OSBPL2: variants seen among roughly 807,000 people sequenced by gnomAD.
OSBPL2 encodes the protein oxysterol-binding protein-related protein 2.
Under a neutral mutation model 58.4 loss-of-function variants are expected in OSBPL2, and 18 were observed. The observed-to-expected ratio is 0.31, with a 90% CI of 0.21 to 0.46. The LOEUF (loss-of-function observed/expected upper bound fraction) is 0.46, where lower values mean the gene tolerates loss of function less well. Ranked by LOEUF, OSBPL2 falls within the 20% of genes least tolerant of loss-of-function variation. The pLI, the probability that OSBPL2 is intolerant of heterozygous loss-of-function variation, is 1.00. For missense variants in OSBPL2, 461 were observed against 616.5 expected (o/e 0.75, Z 2.67); for synonymous variants, 221 against 234.1 (o/e 0.94, Z 0.51).
chr20:62,284,663 AC>A (rs1983000002), intron 10 of OSBPL2: 1 of 155,822 alleles, frequency 6.4e-6, no homozygotes, highest in Admixed American at 6.2e-5. Context: ...ATAGGCATGA[AC>A]CACAACACCC....
chr20:62,279,216 C>T lies in OSBPL2; in HGVS notation c.551C>T (p.Ala184Val). ...EQVSHHPPIS[A>V]FHSEGLNHDF... ...GTCAGTCACCACCCCCCCATCAGTG[C>T]GTTCCACTCGGAAGGTCTCAACCAT... Residue 184 changes from alanine to valine, a missense_variant, in exon 7 of 14, where the codon GCG becomes GTG. Transcript: ENST00000313733. The T allele has an allele frequency of 2.5e-6, 4 of 1,614,140 alleles. No individual in the cohort carries two copies. Among genetic ancestry groups the T allele is most frequent in the Non-Finnish European group, 3.4e-6 (4 of 1,179,944 alleles).
intron 8 of OSBPL2, chr20:62,281,470 A>G (rs1048345750): frequency 5.5e-5 from 28 of 509,706 alleles, no homozygotes; most frequent in African/African-American, 4.6e-4. Flanking sequence ...GCCACTGTCT[A>G]GGCTTGAATG....
intron 1 of OSBPL2, among the ~76,000 whole-genome samples, chr20:62,242,921 A>G (rs1342796701): frequency 6.6e-6 from 1 of 152,074 alleles, no homozygotes; most frequent in African/African-American, 2.4e-5. Flanking sequence ...GTTCCAGAAA[A>G]GACGGAGGCA....
In OSBPL2 at chr20:62,294,138, C is replaced by A. The variant is rs1038925880; in HGVS notation, c.*251C>A. ...TCATTAAGGTTTCAACAGGGAAATT[C>A]TTCACGGCGCCCTTTTATGTGGCAG... On this transcript the variant is annotated 3_prime_UTR_variant, in exon 14 of 14. Coordinates refer to ENST00000313733, the MANE Select transcript of OSBPL2 (RefSeq NM_144498.4). 2 of 543,948 alleles carry A rather than the reference C, an allele frequency of 3.7e-6. No homozygotes were observed. The highest frequency in any genetic ancestry group is 6.3e-6 in the Non-Finnish European group (2 of 315,752). The allele number at this position is 543,948 out of a possible 1,614,324, so 33.7% of individuals were successfully genotyped here.
At chr20:62,263,738 C>G (rs751426223) in intron 4 of OSBPL2, 47 bp downstream of exon 4, 3 of 1,527,978 alleles carry the variant, frequency 2.0e-6, no homozygotes, top group Middle Eastern at 1.7e-4. Flanking sequence ...ACCACTGACT[C>G]CTGGGAAGGT....
At position 62,260,029 on chromosome 20, in the gene OSBPL2, A is replaced by G; in HGVS notation, c.86A>G (p.Lys29Arg). Residue 29 changes from lysine to arginine, a missense_variant, in exon 3 of 14, where the codon AAA (lysine) becomes AGA (arginine). Lys to Arg is a conservative substitution (Grantham distance 26, BLOSUM62 2). This residue lies in a region of OSBPL2 where 80 missense variants were observed against 74.8 expected (regional missense o/e 1.07). Transcript: ENST00000313733. Reference protein sequence around the residue: ...SSGEFSEANQKVTGMIDLDTS... With the variant: ...SSGEFSEANQRVTGMIDLDTS... The stretch of plus-strand genomic sequence containing the variant: ...GGGGAATTTTCAGAGGCAAATCAGA[A>G]AGTCACGGGAATGATTGACTTAGAC... 1 of 1,613,858 alleles carries G rather than the reference A, an allele frequency of 6.2e-7. No homozygotes were observed. The highest frequency in any genetic ancestry group is 8.5e-7 in the Non-Finnish European group (1 of 1,179,748).
chr20:62,291,475 T>TG, intron 12 of OSBPL2: 2 of 557,474 alleles, frequency 3.6e-6, no homozygotes, highest in Non-Finnish European at 6.6e-6. Flanking sequence ...ACGCAGCACA[T>TG]GCAGCCCCCA....
At chr20:62,279,388 A>G (rs1363979505) in intron 7 of OSBPL2, 49 bp downstream of exon 7, 4 of 1,576,832 alleles carry the variant, frequency 2.5e-6, no homozygotes, top group Non-Finnish European at 3.5e-6. Context: ...AGAAACTGAA[A>G]TGGGTGCTGG....
intron 1 of OSBPL2, among the ~76,000 whole-genome samples, chr20:62,248,155 C>CTTTTTTTTTTTT (rs11470491): frequency 1.7e-5 from 2 of 118,854 alleles, no homozygotes; most frequent in African/African-American, 6.4e-5. Context: ...CTTTTCTTTT[C>CTTTTTTTTTTTT]TTTTTTTTTT....
intron 1 of OSBPL2, 47 bp from the exon 2 acceptor site, chr20:62,256,010 C>A: frequency 1.7e-6 from 1 of 573,778 alleles, no homozygotes; most frequent in Non-Finnish European, 3.0e-6. Context: ...GTTTTTAAAC[C>A]GTGAAACTTC....
intron 9 of OSBPL2, 147 bp downstream of exon 9, chr20:62,282,026 T>C: frequency 2.1e-6 from 1 of 473,642 alleles, no homozygotes; most frequent in Non-Finnish European, 3.9e-6. Flanking sequence ...GAAGTATGAC[T>C]CTTTTTTGTT....
Position 62,286,563 on chromosome 20 carries a change from A to C in OSBPL2, c.997-20A>C. On this transcript the variant is annotated intron_variant, in intron 10 of 13. Transcript: ENST00000313733. ...GCGGCCTGGCCCCGGGCAGCCACAC[A>C]GCAGGGTTCTGTGTTTCAGGATGAA... 1 of 1,606,604 alleles carries C rather than the reference A, an allele frequency of 6.2e-7. No individual in the cohort carries two copies. The highest frequency in any genetic ancestry group is 8.5e-7 in the Non-Finnish European group (1 of 1,174,662).
intron 1 of OSBPL2, among the ~76,000 whole-genome samples, chr20:62,252,309 G>C (rs1980611299): frequency 6.6e-6 from 1 of 152,114 alleles, no homozygotes; most frequent in Non-Finnish European, 1.5e-5. Flanking sequence ...CCATAATCAA[G>C]ATGGTGAGAA....
At chr20:62,275,369 C>T (rs570892292) in intron 6 of OSBPL2, among the ~76,000 whole-genome samples, 4 of 150,838 alleles carry the variant, frequency 2.7e-5, no homozygotes, top group South Asian at 2.1e-4. Context: ...GCCTTGTTCA[C>T]GTGGCAGCAC....
At chr20:62,245,879 G>T (rs568114834) in intron 1 of OSBPL2, among the ~76,000 whole-genome samples, 1 of 152,346 alleles carries the variant, frequency 6.6e-6, no homozygotes, top group East Asian at 1.9e-4. Flanking sequence ...CTTTTACAAT[G>T]ACAGGAATAT....
At chr20:62,275,140 C>T (rs546170526) in intron 6 of OSBPL2, among the ~76,000 whole-genome samples, 21 of 152,244 alleles carry the variant, frequency 1.4e-4, no homozygotes, top group African/African-American at 5.1e-4. Flanking sequence ...CCCAGGAGTT[C>T]AGTTACAGTG....
Position 62,256,325 on chromosome 20 carries a change from G to C in OSBPL2, c.37+104G>C. 3.0e-6 allele frequency: 3 copies of C among 985,438 alleles called. No individual in the cohort carries two copies. The South Asian group carries it at 4.4e-5, about 14-fold the overall frequency. 61.0% of individuals were successfully genotyped at this position (985,438 alleles called of 1,614,324 possible). On this transcript the variant is annotated intron_variant, in intron 2 of 13. Coordinates refer to ENST00000313733, the MANE Select transcript of OSBPL2 (RefSeq NM_144498.4). ...GGGTGTAAAGATGCTCAGTAAAGCA[G>C]TGTGTGGGTGAGCGTTCACGATCCC...
intron 12 of OSBPL2, chr20:62,291,466 C>T (rs188330878): frequency 3.8e-4 from 203 of 534,772 alleles, no homozygotes; most frequent in Non-Finnish European, 6.0e-4. Context: ...TCGTAGAACA[C>T]GCAGCACATG....
Position 62,294,009 on chromosome 20 carries a change from G to C in OSBPL2, c.*122G>C. 1 of 1,273,788 alleles carries C rather than the reference G, an allele frequency of 7.9e-7. No individual in the cohort carries two copies. The highest frequency in any genetic ancestry group is 2.6e-5 in the East Asian group (1 of 38,026). The allele number at this position is 1,273,788 out of a possible 1,614,324, so 78.9% of individuals were successfully genotyped here. A position where few individuals can be genotyped will look rare whatever the true frequency, so the allele number is the denominator to read the frequency against. On this transcript the variant is annotated 3_prime_UTR_variant, in exon 14 of 14. Coordinates refer to ENST00000313733, the MANE Select transcript of OSBPL2 (RefSeq NM_144498.4). ...TCTAACGACTGAGTTCGCGGAGATA[G>C]CATCATCCCTGATCAAGGATGTAAT... is the stretch of plus-strand genomic sequence containing the variant.
Sources: gnomAD v4.1 joint callset for allele counts (sites outside exome capture counted in the v4.1 genomes callset) on GRCh38, gnomAD v4.1.1 for gene constraint, gnomAD v4.1.1 regional missense constraint, MANE v1.5 for transcripts, NCBI Gene and HGNC (gene_info 2026-07-23, HGNC 2026-07-21) for gene names.